Variants in DCDC1 observed in about 807,000 individuals in gnomAD.
The protein encoded by DCDC1 is doublecortin domain containing 1, also known as doublecortin domain-containing protein 1.
DCDC1 carries 200 observed loss-of-function variants against 178.3 expected under a neutral mutation model. The ratio of observed to expected loss-of-function variants is 1.12; its 90% CI spans 1.00 to 1.26. The LOEUF (loss-of-function observed/expected upper bound fraction) is 1.26, where lower values mean the gene tolerates loss of function less well. DCDC1 is among the 50% of genes most tolerant of loss of function. The probability of loss-of-function intolerance (pLI) is 0.00; values close to 1 mark genes in which losing one functional copy is unlikely to be tolerated. For synonymous variants in DCDC1, 690 were observed against 604.8 expected (o/e 1.14, Z -2.07); for missense variants, 1,983 against 1,749.2 (o/e 1.13, Z -2.38).
At chr11:30,887,361 G>A (rs747945275) in intron 36 of DCDC1, among the ~76,000 whole-genome samples, 5 of 152,106 alleles carry the variant, frequency 3.3e-5, no homozygotes, top group East Asian at 1.9e-4. Context: ...TTCTACTTGC[G>A]ATGCTGTGAT....
intron 8 of DCDC1, among the ~76,000 whole-genome samples, chr11:31,245,515 G>C (rs1943491592): frequency 6.6e-6 from 1 of 151,622 alleles, no homozygotes; most frequent in Admixed American, 6.6e-5. Context: ...AGCATATTTA[G>C]GATGTGTGCA....
At chr11:31,059,368 C>T (rs1955790506) in intron 20 of DCDC1, among the ~76,000 whole-genome samples, 1 of 151,934 alleles carries the variant, frequency 6.6e-6, no homozygotes, top group Non-Finnish European at 1.5e-5. Context: ...TTTGACTTTT[C>T]TAATCAAAAA....
rs2756188 is a variant in DCDC1, at chr11:31,178,887, T to C, written c.1222-41103A>G. Among the ~76,000 whole-genome samples the C allele has an allele frequency of 6.9e-3, 1,051 of 152,140 alleles. 11 individuals are homozygous for C. The highest frequency in any genetic ancestry group is 0.024 in the African/African-American group (996 of 41,490). ...TTTGTATTTTTAGTAGAGACGTGGT[T>C]ACACCATGTTTGCCAGGCTGGTCTC... is the stretch of plus-strand genomic sequence containing the variant. On this transcript the variant is annotated intron_variant, in intron 9 of 38. Coordinates refer to ENST00000684477, the MANE Select transcript of DCDC1 (RefSeq NM_001387274.1).
Position 31,328,358 on chromosome 11 carries a change from T to G in DCDC1, c.-6-72A>C, listed in dbSNP as rs1183158653. ...CTAGATTACAAATAGAGGCTGGGCA[T>G]TAAACACAACTTACTTGTCATCATG... On this transcript the variant is annotated intron_variant, in intron 2 of 38. Coordinates refer to ENST00000684477, the MANE Select transcript of DCDC1 (RefSeq NM_001387274.1). The G allele has an allele frequency of 7.8e-6, 11 of 1,419,050 alleles. No individual in the cohort carries two copies. In the Middle Eastern group the frequency reaches 8.2e-4, roughly 106 times the overall value. The allele number at this position is 1,419,050 out of a possible 1,614,324, so 87.9% of individuals were successfully genotyped here.
intron 8 of DCDC1, among the ~76,000 whole-genome samples, chr11:31,260,123 C>T (rs1338691188): frequency 1.3e-5 from 2 of 152,150 alleles, no homozygotes; most frequent in East Asian, 1.9e-4. Flanking sequence ...TGGAGACATT[C>T]CAGCTCCAAT....
At chr11:30,890,916 T>A (rs1314381539) in intron 36 of DCDC1, among the ~76,000 whole-genome samples, 1 of 152,226 alleles carries the variant, frequency 6.6e-6, no homozygotes, top group African/African-American at 2.4e-5. Flanking sequence ...TTACTCATAA[T>A]CTAGCTCTGT....
At chr11:30,978,805 CACACACACACACACACACACA>C (rs1565147755) in intron 20 of DCDC1, among the ~76,000 whole-genome samples, 30 of 149,948 alleles carry the variant, frequency 2.0e-4, no homozygotes, top group Non-Finnish European at 3.9e-4. Flanking sequence ...CACACACACA[CACACACACACACACACACACA>C]CCCCCTTCTC....
Position 30,952,523 on chromosome 11 carries a change from T to C in DCDC1, c.2637A>G (p.Lys879=). ...ATAGAGGATTTTCAACTCTAGAATG[T>C]TTCCACTGGCCTGGCTTACTGGTTC... The part of the protein sequence containing the change: ...HEGTSKPGQW[K]HSRVENPLWN... Residue 879 remains lysine (K), a synonymous_variant, in exon 21 of 39, where the codon AAA becomes AAG. Transcript: ENST00000684477. The C allele has an allele frequency of 6.3e-7, 1 of 1,585,510 alleles. No homozygotes were observed. The highest frequency in any genetic ancestry group is 8.6e-7 in the Non-Finnish European group (1 of 1,169,414).
At chr11:31,032,169 G>A (rs962726183) in intron 20 of DCDC1, among the ~76,000 whole-genome samples, 1 of 152,098 alleles carries the variant, frequency 6.6e-6, no homozygotes, top group Non-Finnish European at 1.5e-5. Flanking sequence ...TCAAATAAAT[G>A]AGAGGCCCAC....
chr11:31,093,975 C>A lies in DCDC1; in HGVS notation c.2118+75G>T. On this transcript the variant is annotated intron_variant, in intron 16 of 38. Coordinates refer to ENST00000684477, the MANE Select transcript of DCDC1 (RefSeq NM_001387274.1). Reference sequence around the variant, plus strand: ...ACTTGTATGCCCATGTGCATGAGAGCACCAGGTGCCAGCAAGTGCCGTGAG... The same window carrying A: ...ACTTGTATGCCCATGTGCATGAGAGAACCAGGTGCCAGCAAGTGCCGTGAG... The A allele has an allele frequency of 4.1e-6, 3 of 727,864 alleles. No individual in the cohort carries two copies. In the South Asian group the frequency reaches 4.4e-5, roughly 11 times the overall value. The allele number at this position is 727,864 out of a possible 1,614,324, so 45.1% of individuals were successfully genotyped here. A position where few individuals can be genotyped will look rare whatever the true frequency, so the allele number is the denominator to read the frequency against.
chr11:30,936,095 G>C (rs1947260305), intron 21 of DCDC1, among the ~76,000 whole-genome samples: 1 of 152,192 alleles, frequency 6.6e-6, no homozygotes, highest in Non-Finnish European at 1.5e-5. Flanking sequence ...CAAGTCACCA[G>C]GCTGGAAGTG....
chr11:31,232,432 C>T (rs2136791175), intron 9 of DCDC1, among the ~76,000 whole-genome samples: 1 of 152,226 alleles, frequency 6.6e-6, no homozygotes, highest in Admixed American at 6.5e-5. Context: ...TCTATACCCA[C>T]TGCCCTTAAT....
At chr11:31,188,578 T>C (rs1969781206) in intron 9 of DCDC1, among the ~76,000 whole-genome samples, 1 of 152,192 alleles carries the variant, frequency 6.6e-6, no homozygotes, top group African/African-American at 2.4e-5. Context: ...CCATGTCAAA[T>C]GAGCTGTATT....
intron 1 of DCDC1, among the ~76,000 whole-genome samples, chr11:31,364,674 C>T (rs529524291): frequency 3.2e-4 from 48 of 152,206 alleles, no homozygotes; most frequent in Middle Eastern, 6.8e-3. Flanking sequence ...ACAAACTCAA[C>T]GAAAGTTCAT....
At chr11:31,303,776 G>C (rs752281193) in intron 6 of DCDC1, among the ~76,000 whole-genome samples, 1 of 152,116 alleles carries the variant, frequency 6.6e-6, no homozygotes, top group Non-Finnish European at 1.5e-5. Flanking sequence ...TGATATGCTA[G>C]TCTGTGTCCA....
At chr11:31,093,384 A>G (rs528034729) in intron 16 of DCDC1, among the ~76,000 whole-genome samples, 1 of 152,300 alleles carries the variant, frequency 6.6e-6, no homozygotes, top group East Asian at 1.9e-4. Flanking sequence ...TAGCAAAATC[A>G]TCTGTGATGA....
At chr11:31,238,962 C>T (rs776425744) in intron 9 of DCDC1, among the ~76,000 whole-genome samples, 3 of 151,904 alleles carry the variant, frequency 2.0e-5, no homozygotes, top group Non-Finnish European at 4.4e-5. Context: ...AAACATAAAA[C>T]CAGTAGCCCT....
At chr11:31,034,268 C>T (rs1953871264) in intron 20 of DCDC1, among the ~76,000 whole-genome samples, 1 of 148,184 alleles carries the variant, frequency 6.7e-6, no homozygotes, top group Non-Finnish European at 1.5e-5. Flanking sequence ...ATAAAAGAGT[C>T]AAAGTTAAAA....
intron 1 of DCDC1, among the ~76,000 whole-genome samples, chr11:31,347,678 A>G (rs1162716600): frequency 6.6e-6 from 1 of 152,136 alleles, no homozygotes; most frequent in Admixed American, 6.6e-5. Context: ...GTGCCACATC[A>G]GCCTTCCCCA....
Sources: gnomAD v4.1 joint callset for allele counts (sites outside exome capture counted in the v4.1 genomes callset) on GRCh38, gnomAD v4.1.1 for gene constraint, MANE v1.5 for transcripts, NCBI Gene and HGNC (gene_info 2026-07-23, HGNC 2026-07-21) for gene names.